Variants in FAM13C observed in about 807,000 individuals in gnomAD.
The protein encoded by FAM13C is family with sequence similarity 13 member C, also known as protein FAM13C.
Under a neutral mutation model 73.2 loss-of-function variants are expected in FAM13C, and 37 were observed. The observed-to-expected ratio is 0.51, with a 90% confidence interval of 0.39 to 0.67. The LOEUF is 0.67. Among genes scored for constraint, FAM13C ranks in the 30% least tolerant of loss-of-function variants. The pLI is 0.00. For synonymous variants in FAM13C, 246 were observed against 260.9 expected, an observed-to-expected ratio of 0.94 and a Z score of 0.55; for missense variants, 589 against 715.6, an observed-to-expected ratio of 0.82 and a Z score of 2.02.
chr10:59,285,194 G>A (rs2133710161), intron 5 of FAM13C, among the ~76,000 whole-genome samples: 2 of 152,328 alleles, frequency 1.3e-5, no homozygotes, highest in Middle Eastern at 6.8e-3. Flanking sequence ...CTCAGCGGCT[G>A]CTGTCTGGGA....
At chr10:59,261,795 G>C (rs1043219664) in intron 10 of FAM13C, among the ~76,000 whole-genome samples, 2 of 152,138 alleles carry the variant, frequency 1.3e-5, no homozygotes, top group Non-Finnish European at 2.9e-5. Context: ...GCATGACAAG[G>C]AGAGATTAAC....
intron 3 of FAM13C, among the ~76,000 whole-genome samples, chr10:59,334,650 T>A (rs1334121734): frequency 6.7e-6 from 1 of 149,908 alleles, no homozygotes; most frequent in Non-Finnish European, 1.5e-5. Flanking sequence ...CAGCAAACTA[T>A]CGCAAGGACA....
intron 3 of FAM13C, 104 bp downstream of exon 3, chr10:59,352,166 A>G: frequency 7.6e-7 from 1 of 1,319,920 alleles, no homozygotes; most frequent in Non-Finnish European, 1.1e-6. Context: ...AGTCGTGCCA[A>G]TCCCCTCCCG....
At chr10:59,276,844 A>G (rs911838535) in intron 6 of FAM13C, among the ~76,000 whole-genome samples, 7 of 152,160 alleles carry the variant, frequency 4.6e-5, no homozygotes, top group African/African-American at 1.7e-4. Flanking sequence ...TGATTGGGCC[A>G]TGTTTTGCAA....
At chr10:59,322,076 A>T (rs984093247) in intron 4 of FAM13C, among the ~76,000 whole-genome samples, 1 of 152,154 alleles carries the variant, frequency 6.6e-6, no homozygotes, top group Non-Finnish European at 1.5e-5. Context: ...ACCTGGCCAG[A>T]CGCCTGCTTA....
intron 10 of FAM13C, among the ~76,000 whole-genome samples, chr10:59,259,301 A>AAGACGTC (rs765564510): frequency 1.2e-4 from 19 of 152,222 alleles, no homozygotes; most frequent in Non-Finnish European, 2.6e-4. Context: ...CTCTCTAGAA[A>AAGACGTC]AGACGTCATT....
chr10:59,309,043 A>G (rs1808205496), intron 4 of FAM13C, among the ~76,000 whole-genome samples: 1 of 152,262 alleles, frequency 6.6e-6, no homozygotes, highest in Non-Finnish European at 1.5e-5. Flanking sequence ...TGAACTATCT[A>G]TAATTAAATT....
At chr10:59,280,088 G>T (rs986666362) in intron 6 of FAM13C, among the ~76,000 whole-genome samples, 1 of 152,184 alleles carries the variant, frequency 6.6e-6, no homozygotes, top group Non-Finnish European at 1.5e-5. Flanking sequence ...TTAATAAGTT[G>T]TTGGGGAAAC....
At chr10:59,306,386 A>G (rs1031957440) in intron 4 of FAM13C, among the ~76,000 whole-genome samples, 2 of 152,220 alleles carry the variant, frequency 1.3e-5, no homozygotes, top group Non-Finnish European at 2.9e-5. Flanking sequence ...CATCAAAGGT[A>G]CTTTAATTTA....
chr10:59,263,841 T>G, intron 9 of FAM13C: 1 of 487,466 alleles, frequency 2.1e-6, no homozygotes, highest in Middle Eastern at 5.2e-4. Flanking sequence ...GTTCCTGGCA[T>G]TGAAGTGAAT....
intron 4 of FAM13C, among the ~76,000 whole-genome samples, chr10:59,322,148 G>A (rs182119720): frequency 6.6e-5 from 10 of 152,228 alleles, no homozygotes; most frequent in South Asian, 4.1e-4. Context: ...TTTTAGCCTC[G>A]GATCTCATTT....
intron 8 of FAM13C, among the ~76,000 whole-genome samples, chr10:59,268,343 T>A (rs1843317836): frequency 6.6e-6 from 1 of 152,106 alleles, no homozygotes; most frequent in Admixed American, 6.5e-5. Flanking sequence ...TTGTAATCCA[T>A]TACTAGAAAA....
chr10:59,319,650 A>G (rs1464246796), intron 4 of FAM13C, among the ~76,000 whole-genome samples: 1 of 152,234 alleles, frequency 6.6e-6, no homozygotes, highest in East Asian at 1.9e-4. Context: ...TGGCAACTCC[A>G]TACAGATTGA....
chr10:59,268,921 G>A lies in FAM13C; in HGVS notation c.804-230C>T, dbSNP rs948288750. Among the ~76,000 whole-genome samples the A allele has an allele frequency of 2.6e-5, 4 of 152,266 alleles. No homozygotes were observed. In the South Asian group the frequency reaches 8.3e-4, roughly 32 times the overall value. On this transcript the variant is annotated intron_variant, in intron 7 of 13. Coordinates refer to ENST00000618804, the MANE Select transcript of FAM13C (RefSeq NM_198215.4). ...TTTAGTGTAAAATGTCAAGATATTAGTCCAGGAAATGTGTTTTGTAAAGCT... is the reference window on the plus strand; with the variant it reads ...TTTAGTGTAAAATGTCAAGATATTAATCCAGGAAATGTGTTTTGTAAAGCT...
intron 3 of FAM13C, among the ~76,000 whole-genome samples, chr10:59,329,206 G>T (rs1851596389): frequency 6.6e-6 from 1 of 151,762 alleles, no homozygotes; most frequent in Non-Finnish European, 1.5e-5. Context: ...AACATTTCTG[G>T]CCATCTTACT....
rs1554827379 is a variant in FAM13C, at chr10:59,308,566, C to CCACCAT, written c.444-5708_444-5703dup. ...CCACCACCACCACCAGCACCACCAA[C>CCACCAT]CACCATCACCACCACCAGCACCACC... is the stretch of plus-strand genomic sequence containing the variant. On this transcript the variant is annotated intron_variant, in intron 4 of 13. Coordinates refer to ENST00000618804, the MANE Select transcript of FAM13C (RefSeq NM_198215.4). Among the ~76,000 whole-genome samples, 13 of 112,594 alleles carry CCACCAT rather than the reference C, an allele frequency of 1.2e-4. 1 individual carries two copies. The South Asian group carries it at 1.6e-3, about 14-fold the overall frequency. 73.9% of individuals were successfully genotyped at this position (112,594 alleles called of 152,430 possible).
At chr10:59,342,911 C>T (rs1004325639) in intron 3 of FAM13C, among the ~76,000 whole-genome samples, 4 of 152,202 alleles carry the variant, frequency 2.6e-5, no homozygotes, top group African/African-American at 7.2e-5. Context: ...ACACCCTGCT[C>T]TTGGATAAAT....
chr10:59,312,844 G>T (rs1849087864), intron 4 of FAM13C, among the ~76,000 whole-genome samples: 1 of 152,094 alleles, frequency 6.6e-6, no homozygotes, highest in Non-Finnish European at 1.5e-5. Flanking sequence ...GTTAAGTTTG[G>T]CAAGCCACAC....
Position 59,352,510 on chromosome 10 carries a change from A to T in FAM13C, c.120-36T>A, listed in dbSNP as rs780620834. ...AAAGACCCAATTTAGAAAGTACCTT[A>T]AAAAAAGATGAATAAACTGCTGCAG... On this transcript the variant is annotated intron_variant, in intron 2 of 13. Coordinates refer to ENST00000618804, the MANE Select transcript of FAM13C (RefSeq NM_198215.4). The T allele has an allele frequency of 8.5e-6, 13 of 1,535,014 alleles. No homozygotes were observed. In the African/African-American group the frequency reaches 1.4e-4, roughly 16 times the overall value.
Sources: gnomAD v4.1 joint callset for allele counts (sites outside exome capture counted in the v4.1 genomes callset) on GRCh38, gnomAD v4.1.1 for gene constraint, MANE v1.5 for transcripts, NCBI Gene and HGNC (gene_info 2026-07-23, HGNC 2026-07-21) for gene names.